Variants in MYL10 observed in about 807,000 individuals in gnomAD.
The protein encoded by MYL10 is myosin regulatory light chain 10.
Under a neutral mutation model 21.9 loss-of-function variants are expected in MYL10, and 18 were observed. That is an observed-to-expected ratio of 0.82 (90% confidence interval 0.57 to 1.22). MYL10 has a LOEUF of 1.22. MYL10 is among the 50% of genes most tolerant of loss of function. The probability of loss-of-function intolerance (pLI) is 0.00; values close to 1 mark genes in which losing one functional copy is unlikely to be tolerated. For missense variants in MYL10, 225 were observed against 230.4 expected, an observed-to-expected ratio of 0.98 and a Z score of 0.15; for synonymous variants, 88 against 82.8, an observed-to-expected ratio of 1.06 and a Z score of -0.34.
chr7:101,624,473 C>T (rs546078598), intron 1 of MYL10, among the ~76,000 whole-genome samples: 1 of 152,214 alleles, frequency 6.6e-6, no homozygotes, highest in Non-Finnish European at 1.5e-5. Flanking sequence ...ACGGCGTGCA[C>T]CCCCACAGAG....
chr7:101,627,818 C>T (rs1045279990), intron 1 of MYL10, among the ~76,000 whole-genome samples: 3 of 152,222 alleles, frequency 2.0e-5, no homozygotes, highest in Non-Finnish European at 2.9e-5. Flanking sequence ...CTGCCTACCC[C>T]AATGGGAAGA....
chr7:101,620,240 G>A (rs954567703), intron 5 of MYL10, among the ~76,000 whole-genome samples: 6 of 152,126 alleles, frequency 3.9e-5, no homozygotes, highest in East Asian at 1.9e-4. Flanking sequence ...CGTGAGAATC[G>A]CTTGAACCTT....
chr7:101,619,617 C>A (rs977043357), intron 5 of MYL10, among the ~76,000 whole-genome samples: 1 of 152,070 alleles, frequency 6.6e-6, no homozygotes, highest in Non-Finnish European at 1.5e-5. Context: ...AGGCCGGGCA[C>A]GGTGGCTTAC....
At chr7:101,622,592 G>A (rs866708640) in intron 4 of MYL10, among the ~76,000 whole-genome samples, 4 of 152,076 alleles carry the variant, frequency 2.6e-5, no homozygotes, top group Non-Finnish European at 2.9e-5. Flanking sequence ...GGTTACGTCC[G>A]TTCTGCCACC....
chr7:101,619,010 C>T (rs1030319967), intron 5 of MYL10, among the ~76,000 whole-genome samples: 1 of 152,198 alleles, frequency 6.6e-6, no homozygotes, highest in Non-Finnish European at 1.5e-5. Context: ...CAGGGCCCCT[C>T]GCCCATGCCC....
chr7:101,628,866 T>G (rs73415222), intron 1 of MYL10, among the ~76,000 whole-genome samples, 175 bp downstream of exon 1: 6,560 of 152,278 alleles, frequency 0.043, 487 homozygotes, highest in African/African-American at 0.15. Flanking sequence ...ATAATAATAA[T>G]AAGAAGAGCA....
chr7:101,616,239 C>A lies in MYL10; in HGVS notation c.514G>T (p.Gly172Cys). 6.2e-7 allele frequency: 1 copy of A among 1,614,176 alleles called. No individual in the cohort carries two copies. The highest frequency in any genetic ancestry group is 8.5e-7 in the Non-Finnish European group (1 of 1,180,010). Residue 172 changes from glycine to cysteine, a missense_variant, in exon 6 of 8, where the codon GGT becomes TGT. Coordinates refer to ENST00000223167, the MANE Select transcript of MYL10 (RefSeq NM_138403.5). ...AFKVFDTEGK[G>C]FVKADVIKEK... ...ACTTACACATCGGCCTTGACGAAAC[C>A]TTTCCCTTCAGTGTCGAACACTTTG...
chr7:101,614,171 C>T lies in MYL10; in HGVS notation c.534-461G>A, dbSNP rs1397631070. Among the ~76,000 whole-genome samples the T allele has an allele frequency of 3.3e-5, 5 of 152,186 alleles. 1 individual carries two copies. Among genetic ancestry groups the T allele is most frequent in the South Asian group, 4.1e-4 (2 of 4,834 alleles). ...GGGTACAGGAAGGCCTGCCCAGGTC[C>T]GTGTCCTCCTGGGCCTGCAAGGGCC... On this transcript the variant is annotated intron_variant, in intron 6 of 7. Transcript: ENST00000223167.
intron 5 of MYL10, 86 bp from the exon 6 acceptor site, chr7:101,616,384 C>A (rs1796610160): frequency 1.8e-6 from 2 of 1,099,432 alleles, no homozygotes; most frequent in African/African-American, 1.5e-5. Flanking sequence ...GGGGCTGGGG[C>A]TGGGGGCAAG....
chr7:101,623,209 C>T, intron 3 of MYL10, 137 bp from the exon 4 acceptor site: 1 of 660,336 alleles, frequency 1.5e-6, no homozygotes, highest in Non-Finnish European at 2.6e-6. Context: ...GGATGGGCTC[C>T]ATCCCCAACC....
chr7:101,621,902 T>C (rs572861190), intron 5 of MYL10, among the ~76,000 whole-genome samples, 194 bp downstream of exon 5: 1 of 152,276 alleles, frequency 6.6e-6, no homozygotes, highest in South Asian at 2.1e-4. Context: ...GGGGTCTTTA[T>C]AGTTACCCCA....
At position 101,624,203 on chromosome 7, in the gene MYL10, A is replaced by C; in HGVS notation, c.140T>G (p.Phe47Cys). The change falls in exon 2 of 8, where the codon TTT becomes TGT. Residue 47 changes from phenylalanine (F) to cysteine (C), a missense_variant. Coordinates refer to ENST00000223167, the MANE Select transcript of MYL10 (RefSeq NM_138403.5). ...GTASSNVFSM[F>C]DQSQIQEFKE... ...AAACTCCTGGATCTGGGACTGATCAAACATGGAGAAGACGTTGGAGCTGGC... is the reference window on the plus strand; with the variant it reads ...AAACTCCTGGATCTGGGACTGATCACACATGGAGAAGACGTTGGAGCTGGC... The C allele has an allele frequency of 6.2e-7, 1 of 1,613,870 alleles. No homozygotes were observed. Among genetic ancestry groups the C allele is most frequent in the Non-Finnish European group, 8.5e-7 (1 of 1,179,884 alleles).
chr7:101,620,035 G>A (rs1486205703), intron 5 of MYL10, among the ~76,000 whole-genome samples: 1 of 152,028 alleles, frequency 6.6e-6, no homozygotes, highest in Non-Finnish European at 1.5e-5. Context: ...CCAACGGCAG[G>A]TAGAGTCCAG....
At chr7:101,616,054 C>T (rs1796605544) in intron 6 of MYL10, among the ~76,000 whole-genome samples, 166 bp downstream of exon 6, 1 of 152,076 alleles carries the variant, frequency 6.6e-6, no homozygotes, top group Non-Finnish European at 1.5e-5. Context: ...GAAGGGGACA[C>T]CAAGGCCCAG....
In MYL10 at chr7:101,613,368, G is replaced by T. The variant is rs182032589; in HGVS notation, c.*107C>A. 25 of 864,942 alleles carry T rather than the reference G, an allele frequency of 2.9e-5. No individual in the cohort carries two copies. The highest frequency in any genetic ancestry group is 4.0e-5 in the Non-Finnish European group (21 of 528,638). The allele number at this position is 864,942 out of a possible 1,614,324, so 53.6% of individuals were successfully genotyped here. ...ATTTATTCTTGCTTTGTCCCCAACC[G>T]TAGGACAAGGGAAGCCTTTTTCCTG... On this transcript the variant is annotated 3_prime_UTR_variant, in exon 8 of 8. Coordinates refer to ENST00000223167, the MANE Select transcript of MYL10 (RefSeq NM_138403.5).
At chr7:101,623,602 G>A (rs1796706163) in intron 3 of MYL10, among the ~76,000 whole-genome samples, 1 of 151,740 alleles carries the variant, frequency 6.6e-6, no homozygotes. Context: ...GGCTGAGGTG[G>A]GAGGATGGCT....
At position 101,623,040 on chromosome 7, in the gene MYL10, G is replaced by A. The variant is rs1414235873; in HGVS notation, c.306C>T (p.Gly102=). ...CCCTCAAGTCCTCTTTGTCGATGAA[G>A]CCATCACGGTTCTGGTCCATGATGG... ...AFTIMDQNRD[G]FIDKEDLRDT... Residue 102 remains glycine (G), a synonymous_variant, in exon 4 of 8, where the codon GGC becomes GGT. Coordinates refer to ENST00000223167, the MANE Select transcript of MYL10 (RefSeq NM_138403.5). 3 of 1,613,948 alleles carry A rather than the reference G, an allele frequency of 1.9e-6. No homozygotes were observed. The highest frequency in any genetic ancestry group is 1.1e-5 in the South Asian group (1 of 91,084).
intron 1 of MYL10, among the ~76,000 whole-genome samples, chr7:101,626,631 C>T (rs983092491): frequency 7.2e-5 from 11 of 152,134 alleles, no homozygotes; most frequent in Admixed American, 2.0e-4. Flanking sequence ...AGGGGGACCT[C>T]GGAGCTCCAG....
intron 6 of MYL10, among the ~76,000 whole-genome samples, chr7:101,615,660 C>A (rs943464248): frequency 3.4e-5 from 5 of 148,760 alleles, no homozygotes; most frequent in Non-Finnish European, 7.4e-5. Flanking sequence ...ACACCCACCC[C>A]ACTAGGAAGC....
Sources: gnomAD v4.1 joint callset for allele counts (sites outside exome capture counted in the v4.1 genomes callset) on GRCh38, gnomAD v4.1.1 for gene constraint, MANE v1.5 for transcripts, NCBI Gene and HGNC (gene_info 2026-07-23, HGNC 2026-07-21) for gene names.